Variants in ARSL observed in about 807,000 individuals in gnomAD.
ARSL encodes arylsulfatase E (chondrodysplasia punctata 1).
Under a neutral mutation model 31.1 loss-of-function variants are expected in ARSL, and 4 were observed. The observed-to-expected ratio is 0.13, with a 90% CI of 0.06 to 0.29. The LOEUF (loss-of-function observed/expected upper bound fraction) is 0.29, where lower values mean the gene tolerates loss of function less well. Ranked by LOEUF, ARSL falls within the 10% of genes least tolerant of loss-of-function variation. ARSL has a pLI of 1.00. For synonymous variants in ARSL, 198 were observed against 209.9 expected, an observed-to-expected ratio of 0.94 and a Z score of 0.49; for missense variants, 312 against 497.8, an observed-to-expected ratio of 0.63 and a Z score of 3.55.
intron 1 of ARSL, among the ~76,000 whole-genome samples, chrX:2,962,774 C>T (rs192568920): frequency 9.0e-6 from 1 of 111,731 alleles, no homozygotes; most frequent in Non-Finnish European, 1.9e-5. Context: ...AAAAGTCAAG[C>T]GGGGAACTGC....
intron 1 of ARSL, among the ~76,000 whole-genome samples, chrX:2,962,189 T>C (rs2089647596): frequency 8.9e-6 from 1 of 111,742 alleles, no homozygotes; most frequent in Admixed American, 9.6e-5. Flanking sequence ...AGCTGCACCC[T>C]GACCACCTTG....
intron 1 of ARSL, among the ~76,000 whole-genome samples, chrX:2,962,722 G>C (rs1374443389): frequency 9.0e-6 from 1 of 111,662 alleles, no homozygotes; most frequent in African/African-American, 3.3e-5. Context: ...CTTTGTGAAA[G>C]GAAAATAAAT....
rs142784519 is a variant in ARSL at position 2,945,805 on chromosome X, G to A, written c.991+193C>T. On this transcript the variant is annotated intron_variant, in intron 7 of 10. Transcript: ENST00000381134. ...CTTTGGCCGAATCGCATTGCCTCCC[G>A]TGCATGTGTTATGGAATTCACCCTC... Among the ~76,000 whole-genome samples the A allele has an allele frequency of 7.7e-3, 862 of 112,305 alleles. 5 individuals are homozygous for A. The highest frequency in any genetic ancestry group is 0.025 in the African/African-American group (786 of 30,969).
chrX:2,945,895 C>G (rs754039660), intron 7 of ARSL, 103 bp downstream of exon 7: 2 of 1,080,819 alleles, frequency 1.9e-6, no homozygotes, highest in African/African-American at 3.7e-5. Flanking sequence ...GCACTGCAAT[C>G]GCTATTCTGC....
intron 10 of ARSL, among the ~76,000 whole-genome samples, chrX:2,935,854 AGTC>A (rs2089194007): frequency 9.1e-6 from 1 of 109,697 alleles, no homozygotes; most frequent in African/African-American, 3.3e-5. Flanking sequence ...AAGAAGATGA[AGTC>A]GTGTTAAGGT....
Position 2,960,584 on chromosome X carries a change from C to T in ARSL, c.-20-164G>A, listed in dbSNP as rs888658902. 17 of 493,132 alleles carry T rather than the reference C, an allele frequency of 3.4e-5. No homozygotes were observed. In the South Asian group the frequency reaches 5.8e-4, roughly 17 times the overall value. The allele number at this position is 493,132 out of a possible 1,213,427, so 40.6% of individuals were successfully genotyped here. A position where few individuals can be genotyped will look rare whatever the true frequency, so the allele number is the denominator to read the frequency against. On this transcript the variant is annotated intron_variant, in intron 1 of 10. Transcript: ENST00000381134. Reference sequence around the variant, plus strand: ...CAAAATCTATAAAGGAATGCTCTTCCCGAGTGAAAAGGCTTCAAAAATGTT... The same window carrying T: ...CAAAATCTATAAAGGAATGCTCTTCTCGAGTGAAAAGGCTTCAAAAATGTT...
chrX:2,957,138 G>A (rs1432312181), intron 3 of ARSL, among the ~76,000 whole-genome samples: 8 of 107,554 alleles, frequency 7.4e-5, no homozygotes, highest in Middle Eastern at 4.4e-3. Context: ...GGAGAATGGC[G>A]TGGACCCGGG....
At chrX:2,968,191 G>C, upstream of ARSL, 3 of 1,154,039 alleles carry the variant, frequency 2.6e-6, no homozygotes, top group Non-Finnish European at 3.4e-6. Context: ...TGGATGTAGC[G>C]GGGAGGCTGC....
At chrX:2,944,133 G>A (rs1298326161) in intron 7 of ARSL, among the ~76,000 whole-genome samples, 4 of 110,059 alleles carry the variant, frequency 3.6e-5, no homozygotes, top group Non-Finnish European at 7.6e-5. Context: ...AGCCACGGTT[G>A]CACCACTGCA....
chrX:2,966,620 AAAC>A (rs1312625943), upstream of ARSL, among the ~76,000 whole-genome samples: 3 of 107,509 alleles, frequency 2.8e-5, no homozygotes, highest in South Asian at 3.8e-4. Context: ...TAGAAAAAAA[AAAC>A]AAAACAATAA....
At chrX:2,953,345 G>T in intron 4 of ARSL, 80 bp from the exon 5 acceptor site, 9 of 1,061,783 alleles carry the variant, frequency 8.5e-6, no homozygotes, top group Non-Finnish European at 1.1e-5. Flanking sequence ...TTCAAAAATA[G>T]AACACTTGGT....
intron 3 of ARSL, among the ~76,000 whole-genome samples, chrX:2,956,407 T>C (rs993513611): frequency 1.8e-5 from 2 of 111,350 alleles, no homozygotes; most frequent in Non-Finnish European, 3.8e-5. Flanking sequence ...GAGACAGAGA[T>C]CAATATTGGT....
chrX:2,955,343 C>A, intron 4 of ARSL, 73 bp downstream of exon 4: 1 of 1,174,169 alleles, frequency 8.5e-7, no homozygotes, highest in Admixed American at 2.3e-5. Flanking sequence ...ATAAAAAAAC[C>A]AAAATGTAAG....
At chrX:2,960,728 G>A (rs773327061) in intron 1 of ARSL, among the ~76,000 whole-genome samples, 1 of 111,533 alleles carries the variant, frequency 9.0e-6, no homozygotes, top group South Asian at 3.8e-4. Context: ...TAGCCCATGA[G>A]TGATCACAAA....
chrX:2,964,850 A>C (rs1034612109), upstream of ARSL, among the ~76,000 whole-genome samples: 1 of 111,515 alleles, frequency 9.0e-6, no homozygotes, highest in Non-Finnish European at 1.9e-5. Context: ...TATGCCCATA[A>C]TCCTAGCACT....
At position 2,959,629 on chromosome X, in the gene ARSL, T is replaced by C. The variant is rs1246827447; in HGVS notation, c.23+749A>G. The C allele has an allele frequency of 4.3e-6, 5 of 1,151,882 alleles. No homozygotes were observed. In the Admixed American group the frequency reaches 1.1e-4, roughly 24 times the overall value. 94.9% of individuals were successfully genotyped at this position (1,151,882 alleles called of 1,213,427 possible). A position where few individuals can be genotyped will look rare whatever the true frequency, so the allele number is the denominator to read the frequency against. ...TGATTTGCAGAGAATGAAATACAAT[T>C]CCTTCTGAGGCTGCCTGGGGCAACA... On this transcript the variant is annotated intron_variant, in intron 2 of 10. Transcript: ENST00000381134.
At chrX:2,937,196 T>C (rs1242690348) in intron 9 of ARSL, among the ~76,000 whole-genome samples, 1 of 110,739 alleles carries the variant, frequency 9.0e-6, no homozygotes, top group Non-Finnish European at 1.9e-5. Context: ...GAATTCGGGA[T>C]CAGCCTGGCC....
chrX:2,936,395 T>TATGC (rs1353502481), intron 10 of ARSL, among the ~76,000 whole-genome samples: 1 of 111,544 alleles, frequency 9.0e-6, no homozygotes, highest in Non-Finnish European at 1.9e-5. Context: ...TGCGTGTGTG[T>TATGC]ATGCATGCAC....
At chrX:2,965,550 T>A (rs72619383), upstream of ARSL, among the ~76,000 whole-genome samples, 14 of 66,075 alleles carry the variant, frequency 2.1e-4, no homozygotes, top group East Asian at 3.8e-4. Context: ...AGAAAAAAAA[T>A]AAGCAAAAAA....
Sources: allele counts gnomAD v4.1 joint callset (sites outside exome capture counted in the v4.1 genomes callset), GRCh38; gene constraint gnomAD v4.1.1; transcripts MANE v1.5; gene names NCBI Gene and HGNC (gene_info 2026-07-23, HGNC 2026-07-21).